Variants in ROCK1 observed in about 807,000 individuals in gnomAD.
The protein encoded by ROCK1 is Rho associated coiled-coil containing protein kinase 1, also known as rho-associated protein kinase 1.
Under a neutral mutation model 196.8 loss-of-function variants are expected in ROCK1, and 36 were observed. The ratio of observed to expected loss-of-function variants is 0.18; its 90% confidence interval spans 0.14 to 0.24. The LOEUF (loss-of-function observed/expected upper bound fraction) is 0.24. Ranked by LOEUF, ROCK1 falls within the 10% of genes least tolerant of loss-of-function variation. ROCK1 has a pLI of 1.00. For missense variants in ROCK1, 920 were observed against 1,562.0 expected, an observed-to-expected ratio of 0.59 and a Z score of 6.93; for synonymous variants, 443 against 515.9, an observed-to-expected ratio of 0.86 and a Z score of 1.91.
chr18:21,018,484 C>T (rs1414657643), intron 12 of ROCK1, among the ~76,000 whole-genome samples: 1 of 150,354 alleles, frequency 6.7e-6, no homozygotes, highest in African/African-American at 2.5e-5. Context: ...GAGCCGCGAT[C>T]GCGCCATCAT....
chr18:21,103,175 T>TA (rs942814907), intron 1 of ROCK1, among the ~76,000 whole-genome samples: 7 of 151,978 alleles, frequency 4.6e-5, no homozygotes, highest in African/African-American at 1.7e-4. Context: ...GATATACAAA[T>TA]AAAAAATTAC....
At chr18:21,045,907 T>G (rs1485539719) in intron 4 of ROCK1, among the ~76,000 whole-genome samples, 4 of 126,356 alleles carry the variant, frequency 3.2e-5, no homozygotes, top group Non-Finnish European at 5.0e-5. Flanking sequence ...CTGTTTTTTT[T>G]TTTTTTTTTT....
chr18:20,967,184 C>T, intron 26 of ROCK1, 108 bp from the exon 27 acceptor site: 1 of 736,924 alleles, frequency 1.4e-6, no homozygotes, highest in African/African-American at 1.8e-5. Flanking sequence ...GTACAGTAAA[C>T]TTCATGAATG....
chr18:21,040,144 CT>C (rs2036092707), intron 8 of ROCK1, among the ~76,000 whole-genome samples: 1 of 152,232 alleles, frequency 6.6e-6, no homozygotes, highest in Non-Finnish European at 1.5e-5. Flanking sequence ...CACCACCTTA[CT>C]TCATTAGCAA....
intron 2 of ROCK1, among the ~76,000 whole-genome samples, chr18:21,052,474 A>T (rs1412057961): frequency 2.0e-5 from 3 of 152,324 alleles, no homozygotes; most frequent in South Asian, 2.1e-4. Flanking sequence ...TGAACTTTGT[A>T]GGCTTATGGC....
In ROCK1 at chr18:20,950,363, A is replaced by C. The variant is rs2035173950; in HGVS notation, c.*1021T>G. ...AAATTAAACCAATTATCAATGAAAA[A>C]CTCACTGACACACATAATTTTTTGA... is the stretch of plus-strand genomic sequence containing the variant. On this transcript the variant is annotated 3_prime_UTR_variant, in exon 33 of 33. Transcript: ENST00000399799. The C allele has an allele frequency of 6.6e-6, 1 of 152,558 alleles. No individual in the cohort carries two copies. The highest frequency in any genetic ancestry group is 2.1e-4 in the South Asian group (1 of 4,826). 9.5% of individuals were successfully genotyped at this position (152,558 alleles called of 1,614,324 possible).
At chr18:20,984,242 CT>C in intron 20 of ROCK1, 108 bp downstream of exon 20, 1 of 821,192 alleles carries the variant, frequency 1.2e-6, no homozygotes, top group East Asian at 2.9e-5. Context: ...TTTTTTCTGT[CT>C]TTCACAAACT....
chr18:21,054,699 T>C (rs2036232576), intron 2 of ROCK1, among the ~76,000 whole-genome samples: 2 of 152,196 alleles, frequency 1.3e-5, no homozygotes, highest in Admixed American at 1.3e-4. Context: ...TATTCTCCTG[T>C]TTTAATTCTT....
At chr18:21,084,135 A>G (rs1470270976) in intron 1 of ROCK1, among the ~76,000 whole-genome samples, 2 of 152,214 alleles carry the variant, frequency 1.3e-5, no homozygotes, top group African/African-American at 4.8e-5. Context: ...CTCAAAAGGG[A>G]TCAAAGACCA....
intron 9 of ROCK1, 69 bp downstream of exon 9, chr18:21,039,403 T>C: frequency 9.6e-7 from 1 of 1,036,606 alleles, no homozygotes. Context: ...TTTAGCAATG[T>C]AGTTTCAACA....
intron 9 of ROCK1, among the ~76,000 whole-genome samples, chr18:21,033,510 G>T (rs1391729032): frequency 2.0e-5 from 3 of 151,874 alleles, no homozygotes; most frequent in Non-Finnish European, 2.9e-5. Context: ...TAAATAAAAG[G>T]CATATAAATT....
chr18:20,970,783 G>GA (rs1369055221), intron 22 of ROCK1, among the ~76,000 whole-genome samples: 1 of 152,106 alleles, frequency 6.6e-6, no homozygotes, highest in Non-Finnish European at 1.5e-5. Context: ...GTCTGCTTTT[G>GA]AAAAGAAATT....
intron 9 of ROCK1, among the ~76,000 whole-genome samples, chr18:21,035,184 C>A (rs566857145): frequency 6.6e-6 from 1 of 152,300 alleles, no homozygotes; most frequent in African/African-American, 2.4e-5. Flanking sequence ...GACCCATGTG[C>A]ACTGCCGTTG....
chr18:21,071,351 G>A (rs528498370), intron 1 of ROCK1, among the ~76,000 whole-genome samples: 5 of 151,392 alleles, frequency 3.3e-5, no homozygotes, highest in East Asian at 1.9e-4. Context: ...GCTAAATTTC[G>A]TCTTTTTATA....
chr18:21,079,825 T>C (rs1426661122), intron 1 of ROCK1, among the ~76,000 whole-genome samples: 2 of 152,198 alleles, frequency 1.3e-5, no homozygotes. Flanking sequence ...TGCCCTCCTG[T>C]GTGCAGAAAA....
chr18:21,105,885 A>AT (rs1316215389), intron 1 of ROCK1, among the ~76,000 whole-genome samples: 4 of 152,212 alleles, frequency 2.6e-5, no homozygotes. Flanking sequence ...GAAGACAAAG[A>AT]TAAGTATGAT....
intron 1 of ROCK1, among the ~76,000 whole-genome samples, chr18:21,088,806 T>A (rs2036547437): frequency 6.6e-6 from 1 of 152,086 alleles, no homozygotes. Flanking sequence ...TACTGACCCC[T>A]CCCTTCTGGA....
At chr18:21,013,695 T>C (rs556615419) in intron 13 of ROCK1, among the ~76,000 whole-genome samples, 13 of 152,168 alleles carry the variant, frequency 8.5e-5, no homozygotes, top group African/African-American at 2.2e-4. Flanking sequence ...ACTATTCTAA[T>C]TGGAAGTTGG....
intron 18 of ROCK1, among the ~76,000 whole-genome samples, chr18:20,989,238 T>C (rs888432204): frequency 2.0e-5 from 3 of 152,366 alleles, no homozygotes; most frequent in African/African-American, 4.8e-5. Context: ...AAACTTTCTA[T>C]GCACAGGCAC....
Sources: gnomAD v4.1 joint callset for allele counts (sites outside exome capture counted in the v4.1 genomes callset) on GRCh38, gnomAD v4.1.1 for gene constraint, MANE v1.5 for transcripts, NCBI Gene and HGNC (gene_info 2026-07-23, HGNC 2026-07-21) for gene names.